LHFPL3: variants seen among roughly 807,000 people sequenced by gnomAD.
LHFPL3 encodes LHFPL tetraspan subfamily member 3 protein.
In LHFPL3, 5 loss-of-function variants were observed where a neutral mutation model predicts 19.3. That is an observed-to-expected ratio of 0.26 (90% CI 0.14 to 0.54). The LOEUF (loss-of-function observed/expected upper bound fraction) is 0.54, where lower values mean the gene tolerates loss of function less well. Ranked by LOEUF, LHFPL3 falls within the 20% of genes least tolerant of loss-of-function variation. The pLI, the probability that LHFPL3 is intolerant of heterozygous loss-of-function variation, is 0.94. For synonymous variants in LHFPL3, 133 were observed against 126.2 expected (o/e 1.05, Z -0.36); for missense variants, 249 against 307.4 (o/e 0.81, Z 1.42).
At chr7:104,463,837 A>G (rs1792723511) in intron 1 of LHFPL3, among the ~76,000 whole-genome samples, 1 of 152,218 alleles carries the variant, frequency 6.6e-6, no homozygotes, top group African/African-American at 2.4e-5. Context: ...GAGTGGAGAC[A>G]CAGCCAAACC....
intron 1 of LHFPL3, among the ~76,000 whole-genome samples, chr7:104,406,418 T>A (rs934528952): frequency 1.3e-5 from 2 of 152,188 alleles, no homozygotes; most frequent in Admixed American, 1.3e-4. Flanking sequence ...ATAAGGAATA[T>A]GTATTGTCTA....
At chr7:104,742,629 T>G (rs1793956177) in intron 2 of LHFPL3, among the ~76,000 whole-genome samples, 1 of 152,182 alleles carries the variant, frequency 6.6e-6, no homozygotes, top group Non-Finnish European at 1.5e-5. Flanking sequence ...GGCCAATATC[T>G]TAATAGTTCC....
chr7:104,521,325 A>G (rs185531932), intron 1 of LHFPL3, among the ~76,000 whole-genome samples: 3,726 of 152,058 alleles, frequency 0.025, 86 homozygotes, highest in Non-Finnish European at 0.039. Context: ...GTTTGTTATA[A>G]TTTCTGTTCT....
chr7:104,439,590 T>G (rs925458307), intron 1 of LHFPL3, among the ~76,000 whole-genome samples: 4 of 152,188 alleles, frequency 2.6e-5, no homozygotes, highest in African/African-American at 9.6e-5. Context: ...ACCATATGAT[T>G]ATCTCTTTCT....
intron 2 of LHFPL3, among the ~76,000 whole-genome samples, chr7:104,767,029 C>A (rs554294132): frequency 3.3e-5 from 5 of 152,254 alleles, no homozygotes; most frequent in Non-Finnish European, 7.4e-5. Context: ...TTTTAAAAAG[C>A]TGAAAGAATC....
At chr7:104,732,612 T>G (rs982974668) in intron 1 of LHFPL3, among the ~76,000 whole-genome samples, 5 of 152,222 alleles carry the variant, frequency 3.3e-5, no homozygotes, top group African/African-American at 1.2e-4. Context: ...GATTCTTCTC[T>G]CTTTTCTTCT....
At chr7:104,758,101 G>A (rs1440801679) in intron 2 of LHFPL3, among the ~76,000 whole-genome samples, 1 of 152,058 alleles carries the variant, frequency 6.6e-6, no homozygotes, top group Non-Finnish European at 1.5e-5. Flanking sequence ...ATTAACAGAG[G>A]AACAAAAAAC....
At chr7:104,430,694 T>A (rs1274831532) in intron 1 of LHFPL3, among the ~76,000 whole-genome samples, 1 of 150,954 alleles carries the variant, frequency 6.6e-6, no homozygotes, top group African/African-American at 2.4e-5. Context: ...GGTCTCAATC[T>A]CCTGACCTCA....
intron 1 of LHFPL3, among the ~76,000 whole-genome samples, chr7:104,426,429 T>G (rs1031005674): frequency 6.6e-6 from 1 of 152,116 alleles, no homozygotes; most frequent in African/African-American, 2.4e-5. Flanking sequence ...GCTAATTTTG[T>G]GTTTTTAGTA....
At chr7:104,577,069 C>T (rs149967632) in intron 1 of LHFPL3, among the ~76,000 whole-genome samples, 149 of 152,314 alleles carry the variant, frequency 9.8e-4, no homozygotes, top group Non-Finnish European at 1.8e-3. Context: ...ATAGCCTCAG[C>T]TTTCTTATAT....
chr7:104,890,904 C>A (rs1792231566), intron 2 of LHFPL3, among the ~76,000 whole-genome samples: 1 of 152,276 alleles, frequency 6.6e-6, no homozygotes, highest in Admixed American at 6.5e-5. Flanking sequence ...CACCATGAAG[C>A]CCACCAGCAG....
At chr7:104,850,497 C>A (rs540017894) in intron 2 of LHFPL3, among the ~76,000 whole-genome samples, 2 of 152,232 alleles carry the variant, frequency 1.3e-5, no homozygotes, top group African/African-American at 4.8e-5. Context: ...CAGACATCCA[C>A]CTCCTAGACA....
chr7:104,464,335 C>T (rs535647051), intron 1 of LHFPL3, among the ~76,000 whole-genome samples: 216 of 152,300 alleles, frequency 1.4e-3, no homozygotes, highest in Admixed American at 3.7e-3. Flanking sequence ...CTTTTCCAGG[C>T]TCATGGTGCA....
At chr7:104,522,638 A>G (rs1052359282) in intron 1 of LHFPL3, among the ~76,000 whole-genome samples, 2 of 152,154 alleles carry the variant, frequency 1.3e-5, no homozygotes, top group African/African-American at 4.8e-5. Context: ...AGAAACCTAA[A>G]ATCCAGCTGA....
chr7:104,443,435 G>A (rs763430138), intron 1 of LHFPL3, among the ~76,000 whole-genome samples: 1 of 152,186 alleles, frequency 6.6e-6, no homozygotes, highest in South Asian at 2.1e-4. Flanking sequence ...CTTATCAAGC[G>A]CCACTAGACA....
chr7:104,419,547 T>C (rs1397874805), intron 1 of LHFPL3, among the ~76,000 whole-genome samples: 1 of 152,204 alleles, frequency 6.6e-6, no homozygotes, highest in Non-Finnish European at 1.5e-5. Context: ...TAGAGGATTC[T>C]GATACCATTA....
chr7:104,744,655 CTG>C, intron 2 of LHFPL3, among the ~76,000 whole-genome samples: 1 of 152,336 alleles, frequency 6.6e-6, no homozygotes, highest in East Asian at 1.9e-4. Flanking sequence ...TTCACAGGCA[CTG>C]TCTTACCAAG....
intron 2 of LHFPL3, among the ~76,000 whole-genome samples, chr7:104,865,406 G>T (rs1163311173): frequency 6.6e-6 from 1 of 152,148 alleles, no homozygotes; most frequent in African/African-American, 2.4e-5. Context: ...GAAAACCAAG[G>T]CACGAGAACT....
chr7:104,678,249 T>C (rs568149495), intron 1 of LHFPL3, among the ~76,000 whole-genome samples: 14 of 152,344 alleles, frequency 9.2e-5, no homozygotes, highest in African/African-American at 3.4e-4. Context: ...GAAGAACTTT[T>C]CTGAGCCCTG....
Sources: gnomAD v4.1 joint callset for allele counts (sites outside exome capture counted in the v4.1 genomes callset) on GRCh38, gnomAD v4.1.1 for gene constraint, MANE v1.5 for transcripts, NCBI Gene and HGNC (gene_info 2026-07-23, HGNC 2026-07-21) for gene names.